The following DNAH14 variants were observed in gnomAD, a reference collection of about 807,000 sequenced individuals.
DNAH14 encodes the protein dynein axonemal heavy chain 14, also known as axonemal beta dynein heavy chain 14.
Under a neutral mutation model 520.9 loss-of-function variants are expected in DNAH14, and 478 were observed. The ratio of observed to expected loss-of-function variants is 0.92; its 90% CI spans 0.85 to 0.99. DNAH14 has a LOEUF of 0.99. DNAH14 is among the 50% of genes least tolerant of loss of function. The pLI, the probability that DNAH14 is intolerant of heterozygous loss-of-function variation, is 0.00. For synonymous variants in DNAH14, 1,581 were observed against 1,757.2 expected, an observed-to-expected ratio of 0.90 and a Z score of 2.51; for missense variants, 4,831 against 5,234.5, an observed-to-expected ratio of 0.92 and a Z score of 2.38.
At chr1:225,333,583 C>T in intron 66 of DNAH14, 77 bp downstream of exon 66, 2 of 1,288,702 alleles carry the variant, frequency 1.6e-6, no homozygotes, top group Admixed American at 2.6e-5. Flanking sequence ...GTAGTTTCGG[C>T]CTTGGATGTT....
intron 35 of DNAH14, among the ~76,000 whole-genome samples, chr1:225,161,089 CT>C (rs138792633): frequency 0.047 from 7,107 of 152,106 alleles, 261 homozygotes; most frequent in Non-Finnish European, 0.068. Flanking sequence ...CGTATTCATC[CT>C]GTTGTGATGT....
chr1:224,947,800 A>C (rs1463388416), intron 1 of DNAH14, among the ~76,000 whole-genome samples: 4 of 151,854 alleles, frequency 2.6e-5, no homozygotes, highest in African/African-American at 7.2e-5. Context: ...TTTTTGAAAT[A>C]TGAGTTATTT....
At chr1:225,184,490 C>T (rs945596213) in intron 36 of DNAH14, among the ~76,000 whole-genome samples, 11 of 151,806 alleles carry the variant, frequency 7.2e-5, no homozygotes, top group African/African-American at 2.2e-4. Context: ...TGTGATGGCA[C>T]GCACCTGTAG....
chr1:225,009,988 T>C (rs2064566803), intron 10 of DNAH14, among the ~76,000 whole-genome samples: 2 of 152,036 alleles, frequency 1.3e-5, no homozygotes, highest in South Asian at 4.2e-4. Flanking sequence ...GGTTAAGGAG[T>C]TTTTGGACTG....
At chr1:225,002,755 A>G (rs2063859197) in intron 8 of DNAH14, 28 bp from the exon 9 acceptor site, 1 of 1,540,556 alleles carries the variant, frequency 6.5e-7, no homozygotes, top group Admixed American at 2.0e-5. Context: ...AATGAGAGAT[A>G]TATCTGTAGA....
chr1:225,206,088 C>T lies in DNAH14; in HGVS notation c.6095C>T (p.Ala2032Val), dbSNP rs2087515756. The T allele has an allele frequency of 6.4e-7, 1 of 1,551,346 alleles. No individual in the cohort carries two copies. Among genetic ancestry groups the T allele is most frequent in the Non-Finnish European group, 8.7e-7 (1 of 1,146,830 alleles). ...TGCCTAGCAAACAGTGAGAGAATAGCTTTAACTAATAAAATAAGAGTGATT... is the reference window on the plus strand; with the variant it reads ...TGCCTAGCAAACAGTGAGAGAATAGTTTTAACTAATAAAATAAGAGTGATT... ...TLCLANSERI[A>V]LTNKIRVIFE... Residue 2032 changes from alanine (A) to valine (V), a missense_variant, in exon 40 of 86, where the codon GCT (alanine) becomes GTT (valine). Coordinates refer to ENST00000682510, the MANE Select transcript of DNAH14 (RefSeq NM_001367479.1).
chr1:225,140,655 A>G, intron 27 of DNAH14, 113 bp from the exon 28 acceptor site: 1 of 886,246 alleles, frequency 1.1e-6, no homozygotes, highest in Non-Finnish European at 1.7e-6. Context: ...AAACACTTAC[A>G]TACACACCAC....
At chr1:225,113,618 A>G (rs1054667027) in intron 23 of DNAH14, among the ~76,000 whole-genome samples, 4 of 152,138 alleles carry the variant, frequency 2.6e-5, no homozygotes, top group Non-Finnish European at 5.9e-5. Context: ...CCATCTGGGA[A>G]CCAGTATCTA....
chr1:225,100,690 G>A, intron 22 of DNAH14, 23 bp from the exon 23 acceptor site: 1 of 1,461,594 alleles, frequency 6.8e-7, no homozygotes, highest in Non-Finnish European at 9.0e-7. Context: ...AAAATAAAAT[G>A]ACATCTAATT....
Position 225,290,655 on chromosome 1 carries a change from A to ATG in DNAH14, c.8469+574_8469+575insGT, listed in dbSNP as rs1558282480. On this transcript the variant is annotated intron_variant, in intron 55 of 85. Transcript: ENST00000682510. ...TATGTGTGTGTGTGTGTGTATATAT[A>ATG]TATATATATATATATATATATATAT... Among the ~76,000 whole-genome samples, 21 of 45,870 alleles carry ATG rather than the reference A, an allele frequency of 4.6e-4. 1 individual carries two copies. Among genetic ancestry groups the ATG allele is most frequent in the African/African-American group, 1.8e-3 (18 of 10,018 alleles). 30.1% of individuals were successfully genotyped at this position (45,870 alleles called of 152,430 possible).
intron 8 of DNAH14, among the ~76,000 whole-genome samples, chr1:225,000,221 A>G (rs546539134): frequency 5.3e-5 from 8 of 152,292 alleles, no homozygotes; most frequent in African/African-American, 1.7e-4. Context: ...CTTGAAAAAC[A>G]TTGTGTGACT....
At chr1:225,101,239 G>A (rs2075427968) in intron 23 of DNAH14, among the ~76,000 whole-genome samples, 1 of 151,272 alleles carries the variant, frequency 6.6e-6, no homozygotes, top group African/African-American at 2.4e-5. Context: ...TTTGTAGATA[G>A]ATAGTAGATG....
intron 43 of DNAH14, among the ~76,000 whole-genome samples, chr1:225,246,546 A>G (rs1574269971): frequency 6.6e-6 from 1 of 152,092 alleles, no homozygotes; most frequent in African/African-American, 2.4e-5. Flanking sequence ...AAAACAAACA[A>G]CCCCATCAAA....
At chr1:225,194,627 T>C (rs1422482744) in intron 38 of DNAH14, among the ~76,000 whole-genome samples, 1 of 152,108 alleles carries the variant, frequency 6.6e-6, no homozygotes, top group Non-Finnish European at 1.5e-5. Context: ...GATTTCATGA[T>C]GAAGACACCA....
chr1:224,986,400 C>G (rs923081563), intron 8 of DNAH14, among the ~76,000 whole-genome samples: 14 of 149,520 alleles, frequency 9.4e-5, no homozygotes, highest in African/African-American at 2.9e-4. Flanking sequence ...AAAGTACTAG[C>G]AAACTAAATT....
At chr1:225,190,746 G>C (rs2085320046) in intron 37 of DNAH14, among the ~76,000 whole-genome samples, 1 of 152,020 alleles carries the variant, frequency 6.6e-6, no homozygotes, top group African/African-American at 2.4e-5. Flanking sequence ...TGAGAAGGCA[G>C]TTATCAGCAA....
intron 10 of DNAH14, among the ~76,000 whole-genome samples, chr1:225,017,312 G>A (rs2065290982): frequency 6.6e-6 from 1 of 152,206 alleles, no homozygotes; most frequent in Admixed American, 6.5e-5. Context: ...TGAGCATGTA[G>A]TAAAAGTTGT....
chr1:225,320,930 A>G (rs1007811222), intron 61 of DNAH14, among the ~76,000 whole-genome samples: 2 of 152,178 alleles, frequency 1.3e-5, no homozygotes, highest in African/African-American at 4.8e-5. Context: ...TAGATAATAT[A>G]TTTTATCCTA....
rs1219862244 is a variant in DNAH14 at position 225,152,851 on chromosome 1, T to A, written c.5164T>A (p.Tyr1722Asn). The A allele has an allele frequency of 3.2e-6, 5 of 1,550,944 alleles. No homozygotes were observed. The South Asian group carries it at 4.8e-5, about 15-fold the overall frequency. ...ACTCTCTGGAAAGCTAACTAACCTT[T>A]ATGAATTAGCGCGCAAACAGCTCTC... ...NSLSGKLTNL[Y>N]ELARKQLSQQ... The change falls in exon 33 of 86, where the codon TAT (tyrosine) becomes AAT (asparagine). Residue 1722 changes from tyrosine (Y) to asparagine (N), a missense_variant. Transcript: ENST00000682510.
Sources: allele counts gnomAD v4.1 joint callset (sites outside exome capture counted in the v4.1 genomes callset), GRCh38; gene constraint gnomAD v4.1.1; transcripts MANE v1.5; gene names NCBI Gene and HGNC (gene_info 2026-07-23, HGNC 2026-07-21).